Variants in ALG8 observed in about 807,000 individuals in gnomAD.
ALG8 encodes dolichyl pyrophosphate Glc1Man9GlcNAc2 alpha-1,3-glucosyltransferase.
Under a neutral mutation model 70.2 loss-of-function variants are expected in ALG8, and 48 were observed. The observed-to-expected ratio is 0.68, with a 90% CI of 0.54 to 0.87. The LOEUF (loss-of-function observed/expected upper bound fraction) is 0.87. Ranked by LOEUF, ALG8 falls within the 40% of genes least tolerant of loss-of-function variation. The pLI is 0.00. For synonymous variants in ALG8, 234 were observed against 229.0 expected, an observed-to-expected ratio of 1.02 and a Z score of -0.20; for missense variants, 572 against 608.7, an observed-to-expected ratio of 0.94 and a Z score of 0.64.
At chr11:78,131,069 T>C (rs545767235) in intron 1 of ALG8, among the ~76,000 whole-genome samples, 5 of 152,268 alleles carry the variant, frequency 3.3e-5, no homozygotes, top group African/African-American at 1.2e-4. Flanking sequence ...TTTCTTTTCC[T>C]ATATAGTTGT....
At chr11:78,139,132 G>A (rs1336259800) in intron 1 of ALG8, 2 of 373,846 alleles carry the variant, frequency 5.3e-6, no homozygotes, top group Non-Finnish European at 1.0e-5. Context: ...GACCAGCAAT[G>A]TCTTGCTCAC....
At chr11:78,127,241 T>C in intron 2 of ALG8, 117 bp downstream of exon 2, 1 of 918,012 alleles carries the variant, frequency 1.1e-6, no homozygotes, top group Non-Finnish European at 1.7e-6. Flanking sequence ...CCTCCCAAAG[T>C]GCTGGGATTA....
intron 3 of ALG8, among the ~76,000 whole-genome samples, chr11:78,123,315 GAAAAAAAA>G (rs1220218900): frequency 2.3e-5 from 2 of 88,544 alleles, no homozygotes; most frequent in Non-Finnish European, 3.9e-5. Flanking sequence ...GGAAAAAAAA[GAAAAAAAA>G]AAAAAAAAAA....
Position 78,131,751 on chromosome 11 carries a change from C to T in ALG8, c.96-4315G>A, listed in dbSNP as rs75175434. On this transcript the variant is annotated intron_variant, in intron 1 of 12. Transcript: ENST00000299626. ...AAAGTGCTGGGATTACAGGTGTGAG[C>T]CACTGCACCCAGCCCTGTCTCTAAA... Among the ~76,000 whole-genome samples the T allele has an allele frequency of 3.3e-3, 500 of 152,246 alleles. 5 individuals carry two copies. Among genetic ancestry groups the T allele is most frequent in the African/African-American group, 0.012 (479 of 41,544 alleles).
At chr11:78,132,638 G>A (rs1861352627) in intron 1 of ALG8, among the ~76,000 whole-genome samples, 1 of 151,852 alleles carries the variant, frequency 6.6e-6, no homozygotes, top group Admixed American at 6.6e-5. Flanking sequence ...CACACCACAG[G>A]GCCTATATTT....
At chr11:78,113,722 CA>C (rs1434730140) in intron 7 of ALG8, among the ~76,000 whole-genome samples, 163 bp downstream of exon 7, 23 of 53,704 alleles carry the variant, frequency 4.3e-4, no homozygotes, top group Admixed American at 9.0e-4. Flanking sequence ...TAAACAAAAA[CA>C]AAAAAAAAAA....
At chr11:78,114,530 G>A (rs755970675) in intron 5 of ALG8, 138 bp from the exon 6 acceptor site, 103 of 1,042,428 alleles carry the variant, frequency 9.9e-5, no homozygotes, top group Non-Finnish European at 1.4e-4. Flanking sequence ...CATCAATATT[G>A]CTTTCTTAGT....
chr11:78,124,303 T>C, intron 2 of ALG8, 89 bp from the exon 3 acceptor site: 1 of 1,353,832 alleles, frequency 7.4e-7, no homozygotes, highest in Non-Finnish European at 1.1e-6. Context: ...TTCTCTGGTC[T>C]TTAAAACAGC....
At chr11:78,107,013 G>A in intron 9 of ALG8, 67 bp from the exon 10 acceptor site, 1 of 1,577,932 alleles carries the variant, frequency 6.3e-7, no homozygotes, top group Non-Finnish European at 8.7e-7. Flanking sequence ...ACAGAGTTCA[G>A]GTGAATACAA....
At chr11:78,115,498 T>A (rs1440803491) in intron 5 of ALG8, among the ~76,000 whole-genome samples, 2 of 152,080 alleles carry the variant, frequency 1.3e-5, no homozygotes, top group Non-Finnish European at 2.9e-5. Context: ...TTCTCCTGCC[T>A]CAGCCTCCCA....
intron 3 of ALG8, among the ~76,000 whole-genome samples, chr11:78,122,206 G>T (rs1008388847): frequency 2.1e-4 from 32 of 152,090 alleles, no homozygotes; most frequent in African/African-American, 7.2e-4. Context: ...ACTAGCAAAG[G>T]TATCCTCCTT....
chr11:78,131,061 T>G lies in ALG8; in HGVS notation c.96-3625A>C, dbSNP rs371621273. On this transcript the variant is annotated intron_variant, in intron 1 of 12. Transcript: ENST00000299626. ...AATCTGAGTGAGTTTGGGGACACTT[T>G]CTTTTCCTATATAGTTGTACTATAT... 2.5e-3 allele frequency among the ~76,000 whole-genome samples: 383 copies of G among 152,306 alleles called. 1 individual carries two copies. The highest frequency in any genetic ancestry group is 8.8e-3 in the African/African-American group (365 of 41,570).
At chr11:78,114,163 G>T in intron 6 of ALG8, 103 bp downstream of exon 6, 1 of 1,492,232 alleles carries the variant, frequency 6.7e-7, no homozygotes, top group Non-Finnish European at 9.2e-7. Context: ...TAGCAGCTGA[G>T]ATATCTGCTG....
chr11:78,117,611 C>CA (rs55823839), intron 5 of ALG8, among the ~76,000 whole-genome samples: 4,591 of 128,512 alleles, frequency 0.036, 241 homozygotes, highest in African/African-American at 0.12. Context: ...CCTTCTCTAC[C>CA]AAAAAAAAAA....
At chr11:78,123,925 A>C (rs1860942207) in intron 3 of ALG8, 96 bp downstream of exon 3, 3 of 1,369,996 alleles carry the variant, frequency 2.2e-6, no homozygotes, top group South Asian at 2.4e-5. Context: ...TATCATATAA[A>C]CTTTGTTCCT....
Position 78,108,652 on chromosome 11 carries a change from A to T in ALG8, c.1038+790T>A, listed in dbSNP as rs560486780. Among the ~76,000 whole-genome samples the T allele has an allele frequency of 1.6e-4, 24 of 152,372 alleles. No homozygotes were observed. The East Asian group carries it at 4.4e-3, about 28-fold the overall frequency. On this transcript the variant is annotated intron_variant, in intron 9 of 12. Transcript: ENST00000299626. ...TATTGGCTGGAAGGCCATAGAAACT[A>T]TATGTACCTCATAAGGCTGAAATTT...
At chr11:78,139,317 C>A (rs1020608718) in intron 1 of ALG8, 177 bp downstream of exon 1, 16 of 670,770 alleles carry the variant, frequency 2.4e-5, no homozygotes, top group Non-Finnish European at 3.9e-5. Context: ...CTGAACCTAG[C>A]CAGCTGGGGC....
Position 78,133,079 on chromosome 11 carries a change from C to T in ALG8, c.96-5643G>A, listed in dbSNP as rs193055354. On this transcript the variant is annotated intron_variant, in intron 1 of 12. Coordinates refer to ENST00000299626, the MANE Select transcript of ALG8 (RefSeq NM_024079.5). ...CTCGATCTCCTGACCTCGTGATCCG[C>T]CCGCCTCGGCCTCCCAAAGTGCTGG... Among the ~76,000 whole-genome samples, 289 of 152,254 alleles carry T rather than the reference C, an allele frequency of 1.9e-3. 2 individuals carry two copies. The highest frequency in any genetic ancestry group is 6.7e-3 in the African/African-American group (280 of 41,552).
chr11:78,115,320 C>T (rs185438028), intron 5 of ALG8, among the ~76,000 whole-genome samples: 237 of 152,056 alleles, frequency 1.6e-3, no homozygotes, highest in African/African-American at 5.2e-3. Context: ...AGGCGTGAAC[C>T]GCCATGCTTG....
Sources: gnomAD v4.1 joint callset for allele counts (sites outside exome capture counted in the v4.1 genomes callset) on GRCh38, gnomAD v4.1.1 for gene constraint, MANE v1.5 for transcripts, NCBI Gene and HGNC (gene_info 2026-07-23, HGNC 2026-07-21) for gene names.